DCTN4: variants seen among roughly 807,000 people sequenced by gnomAD.
DCTN4 encodes the protein dynactin subunit 4.
DCTN4 carries 23 observed loss-of-function variants against 62.7 expected under a neutral mutation model. That is an observed-to-expected ratio of 0.37 (90% CI 0.26 to 0.52). DCTN4 has a LOEUF of 0.52. Among genes scored for constraint, DCTN4 ranks in the 20% least tolerant of loss-of-function variants. The probability of loss-of-function intolerance (pLI) is 0.92; values close to 1 mark genes in which losing one functional copy is unlikely to be tolerated. For synonymous variants in DCTN4, 199 were observed against 202.1 expected, an observed-to-expected ratio of 0.98 and a Z score of 0.13; for missense variants, 514 against 580.4, an observed-to-expected ratio of 0.89 and a Z score of 1.18.
Position 150,731,155 on chromosome 5 carries a change from G to C in DCTN4, c.613C>G (p.Leu205Val). 1 of 1,597,462 alleles carries C rather than the reference G, an allele frequency of 6.3e-7. No individual in the cohort carries two copies. Among genetic ancestry groups the C allele is most frequent in the Non-Finnish European group, 8.6e-7 (1 of 1,168,546 alleles). Residue 205 changes from leucine (L) to valine (V), a missense_variant and splice_region_variant, in exon 7 of 13, where the codon CTT (leucine) becomes GTT (valine). Coordinates refer to ENST00000447998, the MANE Select transcript of DCTN4 (RefSeq NM_016221.4). ...ASISTLAGLS[L>V]KEGEDQKEIK... ...TCTTTCTGATCCTCTCCTTCTTTAA[G>C]GCTGAAAAATTAAAAAAACAAAACA...
At chr5:150,749,402 T>C (rs909706210) in intron 3 of DCTN4, among the ~76,000 whole-genome samples, 1 of 152,216 alleles carries the variant, frequency 6.6e-6, no homozygotes, top group Non-Finnish European at 1.5e-5. Context: ...GAAGTACTGC[T>C]GTACATGTGC....
intron 4 of DCTN4, chr5:150,734,362 T>TA (rs1760496981): frequency 6.6e-6 from 1 of 152,098 alleles, no homozygotes; most frequent in African/African-American, 2.4e-5. Context: ...CTGGAGAACC[T>TA]AAAAATCCAG....
intron 3 of DCTN4, among the ~76,000 whole-genome samples, chr5:150,749,391 T>C (rs1314736034): frequency 6.6e-6 from 1 of 152,154 alleles, no homozygotes; most frequent in Non-Finnish European, 1.5e-5. Context: ...AAAACCACAG[T>C]GAAGTACTGC....
chr5:150,746,998 T>C (rs901343826), intron 3 of DCTN4, among the ~76,000 whole-genome samples: 2 of 152,082 alleles, frequency 1.3e-5, no homozygotes, highest in Non-Finnish European at 2.9e-5. Flanking sequence ...GAAGTCAAAT[T>C]GTCCCTGTTT....
At chr5:150,746,277 C>A (rs1760958783) in intron 3 of DCTN4, among the ~76,000 whole-genome samples, 4 of 143,092 alleles carry the variant, frequency 2.8e-5, no homozygotes, top group Non-Finnish European at 5.9e-5. Context: ...CAATAACAGG[C>A]TCTGAAATTG....
intron 3 of DCTN4, among the ~76,000 whole-genome samples, chr5:150,750,557 A>C (rs1273876602): frequency 6.6e-6 from 1 of 152,200 alleles, no homozygotes; most frequent in African/African-American, 2.4e-5. Flanking sequence ...AAACAACCTA[A>C]ATGTTCATTA....
At chr5:150,740,298 C>G (rs1311408028) in intron 4 of DCTN4, among the ~76,000 whole-genome samples, 2 of 151,776 alleles carry the variant, frequency 1.3e-5, no homozygotes, top group African/African-American at 4.8e-5. Context: ...ACACAAATGG[C>G]CAACAAACAT....
In DCTN4 at chr5:150,735,559, G is replaced by A. The variant is rs141305756; in HGVS notation, c.430-2084C>T. Among the ~76,000 whole-genome samples the A allele has an allele frequency of 9.1e-3, 1,378 of 152,236 alleles. 18 individuals are homozygous for A. The highest frequency in any genetic ancestry group is 0.029 in the African/African-American group (1,219 of 41,540). ...AGCTCTGGCCGGGTGGCTAGACCCA[G>A]AGCAGCAATAACAATAATTGCAGTC... On this transcript the variant is annotated intron_variant, in intron 4 of 12. Coordinates refer to ENST00000447998, the MANE Select transcript of DCTN4 (RefSeq NM_016221.4).
intron 3 of DCTN4, 29 bp downstream of exon 3, chr5:150,753,450 A>C (rs754228276): frequency 6.9e-6 from 11 of 1,603,374 alleles, no homozygotes; most frequent in Non-Finnish European, 8.5e-6. Flanking sequence ...AATTGTACAA[A>C]ATTTCATATT....
intron 9 of DCTN4, among the ~76,000 whole-genome samples, 194 bp from the exon 10 acceptor site, chr5:150,719,964 TC>T (rs1759900084): frequency 6.6e-6 from 1 of 152,230 alleles, no homozygotes; most frequent in Non-Finnish European, 1.5e-5. Context: ...ATGAGTTCTT[TC>T]TGAAATCTTA....
Position 150,758,912 on chromosome 5 carries a change from A to G in DCTN4, c.82T>C (p.Tyr28His). 2 of 1,614,104 alleles carry G rather than the reference A, an allele frequency of 1.2e-6. No individual in the cohort carries two copies. Among genetic ancestry groups the G allele is most frequent in the Non-Finnish European group, 1.7e-6 (2 of 1,180,022 alleles). Residue 28 changes from tyrosine to histidine, a missense_variant, in exon 1 of 13, where the codon TAC (tyrosine) becomes CAC (histidine). Physicochemically the swap from Tyr to His is moderately conservative, Grantham distance 83 (BLOSUM62 2). Transcript: ENST00000447998. The stretch of plus-strand genomic sequence containing the variant: ...AGTTCGCTACAATAGCGGCAGAAGT[A>G]GAGTTGCGAGAGCGGGGCCCGAACC... ...KKVRAPLSQL[Y>H]FCRYCSELRS...
chr5:150,753,198 T>C (rs1245485186), intron 3 of DCTN4, among the ~76,000 whole-genome samples: 1 of 152,216 alleles, frequency 6.6e-6, no homozygotes, highest in Non-Finnish European at 1.5e-5. Flanking sequence ...TGTCTTAACA[T>C]GAATGTTTAT....
intron 3 of DCTN4, among the ~76,000 whole-genome samples, chr5:150,745,407 C>A (rs1760923876): frequency 6.6e-6 from 1 of 151,800 alleles, no homozygotes; most frequent in African/African-American, 2.4e-5. Flanking sequence ...ACAAGGATAC[C>A]CAGGAATTGA....
At chr5:150,724,921 G>A (rs1363401635) in intron 8 of DCTN4, among the ~76,000 whole-genome samples, 1 of 152,116 alleles carries the variant, frequency 6.6e-6, no homozygotes, top group African/African-American at 2.4e-5. Flanking sequence ...ACTTTGGGAG[G>A]CTGAGGCGGG....
At chr5:150,741,249 A>C (rs1426978554) in intron 4 of DCTN4, among the ~76,000 whole-genome samples, 1 of 152,060 alleles carries the variant, frequency 6.6e-6, no homozygotes, top group Non-Finnish European at 1.5e-5. Flanking sequence ...CTTCTGCCCA[A>C]GTTGACTTTT....
At position 150,709,234 on chromosome 5, in the gene DCTN4, T is replaced by C. The variant is rs80111303; in HGVS notation, c.*1915A>G. On this transcript the variant is annotated 3_prime_UTR_variant, in exon 13 of 13. Transcript: ENST00000447998. ...TTTGGCTTCTGAAGAAAAAAGTTTA[T>C]GATCAAAGTGTTTTGTGTTTCTGTG... 1,472 of 152,788 alleles carry C rather than the reference T, an allele frequency of 9.6e-3. 29 individuals are homozygous for C. Among genetic ancestry groups the C allele is most frequent in the East Asian group, 0.08 (429 of 5,332 alleles). 9.5% of individuals were successfully genotyped at this position (152,788 alleles called of 1,614,324 possible). A position where few individuals can be genotyped will look rare whatever the true frequency, so the allele number is the denominator to read the frequency against.
At chr5:150,724,337 C>T (rs1024178617) in intron 8 of DCTN4, among the ~76,000 whole-genome samples, 4 of 152,086 alleles carry the variant, frequency 2.6e-5, no homozygotes, top group African/African-American at 9.7e-5. Context: ...CTGATATTAA[C>T]AATAGATTTT....
chr5:150,717,751 T>A (rs1033362582), intron 11 of DCTN4, among the ~76,000 whole-genome samples: 1 of 152,204 alleles, frequency 6.6e-6, no homozygotes, highest in East Asian at 1.9e-4. Context: ...CTAAGTAAAA[T>A]GAATAGCATA....
intron 12 of DCTN4, among the ~76,000 whole-genome samples, chr5:150,714,075 G>A (rs538469809): frequency 1.3e-5 from 2 of 152,198 alleles, no homozygotes; most frequent in Non-Finnish European, 2.9e-5. Context: ...AGGAGATCAC[G>A]CCATTGCACT....
Sources: gnomAD v4.1 joint callset for allele counts (sites outside exome capture counted in the v4.1 genomes callset) on GRCh38, gnomAD v4.1.1 for gene constraint, MANE v1.5 for transcripts, NCBI Gene and HGNC (gene_info 2026-07-23, HGNC 2026-07-21) for gene names.